The following SLC24A2 variants were observed in gnomAD, a reference collection of about 807,000 sequenced individuals.
SLC24A2 encodes solute carrier family 24 member 2.
In SLC24A2, 36 loss-of-function variants were observed where a neutral mutation model predicts 62.0. The ratio of observed to expected loss-of-function variants is 0.58; its 90% CI spans 0.44 to 0.77. The LOEUF (loss-of-function observed/expected upper bound fraction) is 0.77, where lower values mean the gene tolerates loss of function less well. Ranked by LOEUF, SLC24A2 falls within the 30% of genes least tolerant of loss-of-function variation. SLC24A2 has a pLI of 0.00. For missense variants in SLC24A2, 846 were observed against 817.9 expected (o/e 1.03, Z -0.42); for synonymous variants, 358 against 294.0 (o/e 1.22, Z -2.23).
chr9:19,755,571 T>C (rs1822115564), intron 2 of SLC24A2, among the ~76,000 whole-genome samples: 1 of 152,168 alleles, frequency 6.6e-6, no homozygotes, highest in East Asian at 1.9e-4. Flanking sequence ...CAGCAAGAGT[T>C]GGCCAGGCCT....
intron 2 of SLC24A2, among the ~76,000 whole-genome samples, chr9:19,697,201 A>G (rs1192330684): frequency 1.3e-5 from 2 of 152,216 alleles, no homozygotes; most frequent in Non-Finnish European, 2.9e-5. Flanking sequence ...TGAAATAATG[A>G]CTTCTGAAAT....
intron 2 of SLC24A2, among the ~76,000 whole-genome samples, chr9:19,774,982 C>G (rs1822803079): frequency 1.3e-5 from 2 of 152,146 alleles, no homozygotes; most frequent in African/African-American, 4.8e-5. Flanking sequence ...ATAAACTAGT[C>G]CTTTCATTTT....
At chr9:20,095,408 G>A in the SLC24A2 span, among the ~76,000 whole-genome samples, 1 of 152,198 alleles carries the variant, frequency 6.6e-6, no homozygotes, top group African/African-American at 2.4e-5. Flanking sequence ...GTTTTGGGAT[G>A]AGATTAATAT....
chr9:19,665,209 G>A (rs541265656), intron 2 of SLC24A2, among the ~76,000 whole-genome samples: 9 of 152,288 alleles, frequency 5.9e-5, no homozygotes, highest in African/African-American at 1.9e-4. Context: ...CTGGATAAAG[G>A]GGAATGCATG....
chr9:20,121,291 T>C, the SLC24A2 span, among the ~76,000 whole-genome samples: 9 of 151,848 alleles, frequency 5.9e-5, no homozygotes, highest in Non-Finnish European at 1.0e-4. Flanking sequence ...TCTTTATTTT[T>C]CCCCAGAAAT....
the SLC24A2 span, among the ~76,000 whole-genome samples, chr9:20,290,723 T>C: frequency 6.6e-6 from 1 of 152,162 alleles, no homozygotes; most frequent in African/African-American, 2.4e-5. Flanking sequence ...CATGCTACCA[T>C]GGAAATACAA....
chr9:19,641,645 G>C (rs1302162171), intron 2 of SLC24A2, among the ~76,000 whole-genome samples: 1 of 151,936 alleles, frequency 6.6e-6, no homozygotes, highest in African/African-American at 2.4e-5. Flanking sequence ...CTCCCAAGTA[G>C]CTGGGACCAC....
At chr9:19,851,347 T>G in the SLC24A2 span, among the ~76,000 whole-genome samples, 39 of 151,902 alleles carry the variant, frequency 2.6e-4, no homozygotes, top group Non-Finnish European at 5.0e-4. Context: ...GTATTTTAAA[T>G]TTGAAGTTCC....
chr9:19,561,582 G>A (rs532968028), intron 7 of SLC24A2, among the ~76,000 whole-genome samples: 16 of 151,196 alleles, frequency 1.1e-4, no homozygotes, highest in African/African-American at 3.4e-4. Flanking sequence ...CTACAGGTGC[G>A]TGCCACCACA....
At chr9:19,584,273 T>TAAAAAAAAAAAAAAAA (rs5896848) in intron 5 of SLC24A2, among the ~76,000 whole-genome samples, 4 of 119,938 alleles carry the variant, frequency 3.3e-5, no homozygotes, top group Admixed American at 8.2e-5. Flanking sequence ...TAGCAAATAG[T>TAAAAAAAAAAAAAAAA]AAAAAAAAAA....
At chr9:19,573,047 A>T (rs938325376) in intron 7 of SLC24A2, among the ~76,000 whole-genome samples, 1 of 152,202 alleles carries the variant, frequency 6.6e-6, no homozygotes, top group Non-Finnish European at 1.5e-5. Flanking sequence ...GTTTCACCAC[A>T]CCTGGTATAT....
At chr9:19,715,341 C>G (rs996960581) in intron 2 of SLC24A2, among the ~76,000 whole-genome samples, 1 of 152,112 alleles carries the variant, frequency 6.6e-6, no homozygotes, top group Non-Finnish European at 1.5e-5. Context: ...AAGATATTAA[C>G]CCTGCCCCTT....
At chr9:19,870,852 T>C in the SLC24A2 span, among the ~76,000 whole-genome samples, 10 of 152,168 alleles carry the variant, frequency 6.6e-5, no homozygotes, top group African/African-American at 2.2e-4. Flanking sequence ...TAAATTGGGT[T>C]ATTTTTTCTT....
the SLC24A2 span, among the ~76,000 whole-genome samples, chr9:19,826,181 A>T: frequency 1.3e-5 from 2 of 151,966 alleles, no homozygotes; most frequent in African/African-American, 4.8e-5. Flanking sequence ...TGCAAAAAAA[A>T]AAAAAAAAAA....
the SLC24A2 span, among the ~76,000 whole-genome samples, chr9:20,216,717 T>C: frequency 6.6e-6 from 1 of 152,212 alleles, no homozygotes; most frequent in Admixed American, 6.5e-5. Flanking sequence ...GAAAGCTATC[T>C]CAATTTTTGA....
the SLC24A2 span, among the ~76,000 whole-genome samples, chr9:20,259,541 C>T: frequency 6.6e-6 from 1 of 152,132 alleles, no homozygotes; most frequent in Non-Finnish European, 1.5e-5. Context: ...CCCTTGGAAG[C>T]TCCTCAAAGA....
At chr9:20,024,018 TC>T in the SLC24A2 span, among the ~76,000 whole-genome samples, 1 of 152,226 alleles carries the variant, frequency 6.6e-6, no homozygotes, top group African/African-American at 2.4e-5. Context: ...TAGCTGCATT[TC>T]CACGGAAACG....
chr9:20,006,026 C>G, the SLC24A2 span, among the ~76,000 whole-genome samples: 1 of 151,642 alleles, frequency 6.6e-6, no homozygotes, highest in Non-Finnish European at 1.5e-5. Flanking sequence ...TGCTTATGTA[C>G]ACACAAACAT....
rs113430335 is a variant in SLC24A2 at position 19,616,876 on chromosome 9, G to C, written c.1078+2708C>G. Among the ~76,000 whole-genome samples, 868 of 152,200 alleles carry C rather than the reference G, an allele frequency of 5.7e-3. 12 individuals carry two copies. The highest frequency in any genetic ancestry group is 0.019 in the African/African-American group (803 of 41,524). ...ACACAGAGTGCTGAAAAATGGGCAG[G>C]AGTAACGCAGGGAAAAATGGAAGGG... On this transcript the variant is annotated intron_variant, in intron 4 of 10. Transcript: ENST00000341998.
Sources: gnomAD v4.1 joint callset for allele counts (sites outside exome capture counted in the v4.1 genomes callset) on GRCh38, gnomAD v4.1.1 for gene constraint, MANE v1.5 for transcripts, NCBI Gene and HGNC (gene_info 2026-07-23, HGNC 2026-07-21) for gene names.